The following RAB2A variants were observed in gnomAD, a reference collection of about 807,000 sequenced individuals.
The protein encoded by RAB2A is RAB2A, member RAS oncogene family.
RAB2A carries 7 observed loss-of-function variants against 32.5 expected under a neutral mutation model. The observed-to-expected ratio is 0.22, with a 90% CI of 0.12 to 0.40. RAB2A has a LOEUF of 0.40. Ranked by LOEUF, RAB2A falls within the 10% of genes least tolerant of loss-of-function variation. RAB2A has a pLI of 1.00. For synonymous variants in RAB2A, 79 were observed against 85.2 expected (o/e 0.93, Z 0.40); for missense variants, 108 against 260.7 (o/e 0.41, Z 4.03).
intron 6 of RAB2A, among the ~76,000 whole-genome samples, chr8:60,595,262 A>G (rs1197234020): frequency 6.6e-6 from 1 of 152,246 alleles, no homozygotes; most frequent in Non-Finnish European, 1.5e-5. Flanking sequence ...AGTATAAACA[A>G]GTAACCACTG....
chr8:60,607,245 T>C (rs375527863), intron 6 of RAB2A, among the ~76,000 whole-genome samples: 11 of 149,956 alleles, frequency 7.3e-5, no homozygotes, highest in Non-Finnish European at 1.3e-4. Context: ...CTGGCTAACA[T>C]GGTGAAACCC....
chr8:60,600,448 C>T (rs1387640654), intron 6 of RAB2A, among the ~76,000 whole-genome samples: 4 of 152,178 alleles, frequency 2.6e-5, no homozygotes, highest in Non-Finnish European at 5.9e-5. Flanking sequence ...ATCACTCTTA[C>T]GTTGCATGTG....
chr8:60,595,029 TGAA>T (rs1282806025), intron 6 of RAB2A, among the ~76,000 whole-genome samples: 1 of 152,102 alleles, frequency 6.6e-6, no homozygotes, highest in Middle Eastern at 3.2e-3. Context: ...GAATTAGCAA[TGAA>T]GGTGCAATCA....
intron 1 of RAB2A, chr8:60,558,583 T>C (rs1807972960): frequency 5.9e-6 from 3 of 504,242 alleles, no homozygotes; most frequent in African/African-American, 5.9e-5. Context: ...CCTGGTTAGT[T>C]GTCATCTGTG....
At chr8:60,540,170 T>C (rs1056514503) in intron 1 of RAB2A, among the ~76,000 whole-genome samples, 1 of 150,842 alleles carries the variant, frequency 6.6e-6, no homozygotes, top group Non-Finnish European at 1.5e-5. Flanking sequence ...GTAATCCTTT[T>C]CTTCTGTCTC....
At chr8:60,586,604 T>G (rs1803853414) in intron 5 of RAB2A, among the ~76,000 whole-genome samples, 2 of 152,032 alleles carry the variant, frequency 1.3e-5, no homozygotes, top group South Asian at 4.1e-4. Context: ...ATATAAGATG[T>G]CTTCTCAAAT....
At chr8:60,583,133 C>T (rs552333396) in intron 3 of RAB2A, among the ~76,000 whole-genome samples, 6 of 152,074 alleles carry the variant, frequency 3.9e-5, no homozygotes, top group African/African-American at 7.2e-5. Context: ...GAATATGAGC[C>T]GTCCATGCGC....
chr8:60,618,750 TA>T (rs1039751713), intron 7 of RAB2A, 102 bp downstream of exon 7: 28 of 411,212 alleles, frequency 6.8e-5, no homozygotes, highest in African/African-American at 5.1e-4. Context: ...ATAATTTTTT[TA>T]ATTCCTAAAA....
At chr8:60,527,372 A>T (rs888368928) in intron 1 of RAB2A, among the ~76,000 whole-genome samples, 5 of 152,180 alleles carry the variant, frequency 3.3e-5, no homozygotes, top group Non-Finnish European at 7.3e-5. Context: ...AAACAGTAAA[A>T]TAAGATCAGA....
intron 1 of RAB2A, among the ~76,000 whole-genome samples, chr8:60,525,669 G>A (rs1020168799): frequency 4.6e-5 from 7 of 152,092 alleles, no homozygotes; most frequent in African/African-American, 1.7e-4. Flanking sequence ...ATAGCTGAGA[G>A]TCACTGTGTT....
intron 1 of RAB2A, among the ~76,000 whole-genome samples, chr8:60,528,435 T>C (rs1807425235): frequency 1.3e-5 from 2 of 152,228 alleles, no homozygotes; most frequent in Admixed American, 1.3e-4. Context: ...CAGTGCTGTA[T>C]AGTGTCTAAT....
At chr8:60,579,263 G>T (rs1241813777) in intron 3 of RAB2A, among the ~76,000 whole-genome samples, 1 of 152,110 alleles carries the variant, frequency 6.6e-6, no homozygotes, top group Non-Finnish European at 1.5e-5. Context: ...GGCTGGTCTG[G>T]AACTCCTGAC....
At chr8:60,567,406 A>G (rs1808131820) in intron 2 of RAB2A, among the ~76,000 whole-genome samples, 1 of 152,070 alleles carries the variant, frequency 6.6e-6, no homozygotes, top group Non-Finnish European at 1.5e-5. Flanking sequence ...AGGCAATATC[A>G]TACTGTGGTA....
intron 6 of RAB2A, among the ~76,000 whole-genome samples, chr8:60,605,463 G>A (rs1468738181): frequency 4.6e-5 from 7 of 152,130 alleles, no homozygotes; most frequent in Non-Finnish European, 7.4e-5. Flanking sequence ...CCCCAGAATG[G>A]TAGATACACC....
chr8:60,557,144 A>G lies in RAB2A; in HGVS notation c.47-1708A>G, dbSNP rs144692036. 1.1e-4 allele frequency among the ~76,000 whole-genome samples: 16 copies of G among 152,312 alleles called. No individual in the cohort carries two copies. The East Asian group carries it at 3.1e-3, about 29-fold the overall frequency. ...TGAGTTTGACTTTGGGCCTTTTGTA[A>G]TAGAACAAAGAAGAAAACTGTAAGA... On this transcript the variant is annotated intron_variant, in intron 1 of 7. Transcript: ENST00000262646.
chr8:60,599,086 G>A (rs991019923), intron 6 of RAB2A, among the ~76,000 whole-genome samples: 1 of 151,864 alleles, frequency 6.6e-6, no homozygotes, highest in Non-Finnish European at 1.5e-5. Context: ...CAGCAAGGTT[G>A]CAGGATACAA....
At chr8:60,593,995 G>T (rs1803982651) in intron 6 of RAB2A, among the ~76,000 whole-genome samples, 1 of 151,912 alleles carries the variant, frequency 6.6e-6, no homozygotes, top group African/African-American at 2.4e-5. Context: ...AAAAAACTTA[G>T]TGAATGGACT....
chr8:60,606,041 C>T (rs971209086), intron 6 of RAB2A, among the ~76,000 whole-genome samples: 1 of 151,906 alleles, frequency 6.6e-6, no homozygotes, highest in Admixed American at 6.6e-5. Context: ...CCCAGCTACT[C>T]AGGAGGCTGA....
At chr8:60,571,636 C>T (rs1312352896) in intron 2 of RAB2A, among the ~76,000 whole-genome samples, 4 of 152,128 alleles carry the variant, frequency 2.6e-5, no homozygotes, top group Non-Finnish European at 4.4e-5. Flanking sequence ...GGAACCAATA[C>T]TATGATATTG....
Sources: allele counts gnomAD v4.1 joint callset (sites outside exome capture counted in the v4.1 genomes callset), GRCh38; gene constraint gnomAD v4.1.1; transcripts MANE v1.5; gene names NCBI Gene and HGNC (gene_info 2026-07-23, HGNC 2026-07-21).